The following SLC2A9 variants were observed in gnomAD, a reference collection of about 807,000 sequenced individuals.
SLC2A9 encodes solute carrier family 2, facilitated glucose transporter member 9.
SLC2A9 carries 39 observed loss-of-function variants against 50.6 expected under a neutral mutation model. The ratio of observed to expected loss-of-function variants is 0.77; its 90% confidence interval spans 0.60 to 1.01. SLC2A9 has a LOEUF of 1.01. SLC2A9 is among the 50% of genes least tolerant of loss of function. SLC2A9 has a pLI of 0.00. For synonymous variants in SLC2A9, 324 were observed against 276.9 expected (o/e 1.17, Z -1.69); for missense variants, 686 against 677.6 (o/e 1.01, Z -0.14).
chr4:9,801,854 T>C (rs1193328808), intron 3 of SLC2A9, among the ~76,000 whole-genome samples: 1 of 152,138 alleles, frequency 6.6e-6, no homozygotes, highest in Non-Finnish European at 1.5e-5. Flanking sequence ...GAGAATAGGT[T>C]TGGGAGTGCT....
chr4:9,892,111 C>T (rs983712688), intron 8 of SLC2A9, among the ~76,000 whole-genome samples: 1 of 152,228 alleles, frequency 6.6e-6, no homozygotes, highest in Admixed American at 6.5e-5. Flanking sequence ...AGGCAATGGG[C>T]GTTCTCCCCC....
At chr4:9,884,851 A>G (rs1735892448) in intron 10 of SLC2A9, among the ~76,000 whole-genome samples, 1 of 152,190 alleles carries the variant, frequency 6.6e-6, no homozygotes, top group Admixed American at 6.5e-5. Flanking sequence ...GAGAAGGAAC[A>G]AGATCATGTC....
chr4:9,830,906 G>T (rs1412456221), intron 11 of SLC2A9, among the ~76,000 whole-genome samples: 1 of 152,202 alleles, frequency 6.6e-6, no homozygotes, highest in African/African-American at 2.4e-5. Context: ...TCCCTTCTCT[G>T]TTGGTGATGA....
At chr4:9,827,003 T>C (rs951832204) in intron 11 of SLC2A9, among the ~76,000 whole-genome samples, 12 of 152,206 alleles carry the variant, frequency 7.9e-5, no homozygotes, top group Admixed American at 2.0e-4. Context: ...AGAAATGCCT[T>C]AGTTCATAGG....
intron 10 of SLC2A9, among the ~76,000 whole-genome samples, chr4:9,870,746 G>A (rs537127555): frequency 6.6e-5 from 10 of 152,354 alleles, no homozygotes; most frequent in South Asian, 2.1e-4. Flanking sequence ...GCAGGCATGC[G>A]TTCAAATCCT....
At chr4:9,962,774 G>A (rs1333212542) in intron 5 of SLC2A9, among the ~76,000 whole-genome samples, 1 of 152,226 alleles carries the variant, frequency 6.6e-6, no homozygotes, top group African/African-American at 2.4e-5. Flanking sequence ...CTGCAGATGT[G>A]TGCAGAGGCA....
At chr4:9,949,356 C>T (rs184866818) in intron 5 of SLC2A9, among the ~76,000 whole-genome samples, 5 of 152,290 alleles carry the variant, frequency 3.3e-5, no homozygotes, top group African/African-American at 7.2e-5. Context: ...ATCCCTGAAA[C>T]GACAGACACT....
At chr4:9,774,505 C>T (rs1348003238) in intron 1 of SLC2A9, among the ~76,000 whole-genome samples, 4 of 152,190 alleles carry the variant, frequency 2.6e-5, no homozygotes, top group Non-Finnish European at 5.9e-5. Flanking sequence ...TGCCATGCTG[C>T]CCACCAAACA....
rs756404942 is a variant in SLC2A9 at position 9,901,462 on chromosome 4, G to A, written c.1113+6773C>T. Among the ~76,000 whole-genome samples, 42 of 152,160 alleles carry A rather than the reference G, an allele frequency of 2.8e-4. 1 individual carries two copies. The highest frequency in any genetic ancestry group is 4.6e-4 in the Admixed American group (7 of 15,270). The stretch of plus-strand genomic sequence containing the variant: ...GCCTCTCTCCAAGCCTTGTGACAAC[G>A]CTGTTTCTACCCTTGTCACCCTCTG... On this transcript the variant is annotated intron_variant, in intron 8 of 11. Coordinates refer to ENST00000264784, the MANE Select transcript of SLC2A9 (RefSeq NM_020041.3).
intron 10 of SLC2A9, among the ~76,000 whole-genome samples, chr4:9,866,216 T>C (rs1355054921): frequency 6.6e-6 from 1 of 151,756 alleles, no homozygotes; most frequent in African/African-American, 2.4e-5. Flanking sequence ...ATTGTATTAT[T>C]ATTATACCAT....
intron 3 of SLC2A9, among the ~76,000 whole-genome samples, chr4:9,992,922 A>G (rs1341389311): frequency 6.6e-6 from 1 of 152,148 alleles, no homozygotes; most frequent in Non-Finnish European, 1.5e-5. Flanking sequence ...CACTTTACAG[A>G]TTTAAAAATT....
intron 7 of SLC2A9, among the ~76,000 whole-genome samples, chr4:9,912,132 G>A (rs1200754081): frequency 3.3e-5 from 5 of 152,130 alleles, no homozygotes; most frequent in Admixed American, 2.0e-4. Context: ...ACACACCAGT[G>A]ACTGTTCTGG....
intron 11 of SLC2A9, among the ~76,000 whole-genome samples, chr4:9,833,472 C>T (rs768901064): frequency 1.3e-5 from 2 of 152,152 alleles, no homozygotes; most frequent in Non-Finnish European, 2.9e-5. Context: ...CTTCCTGGAC[C>T]TCCTTGCCTG....
chr4:9,876,592 AAAAC>A (rs138659782), intron 10 of SLC2A9, among the ~76,000 whole-genome samples: 18,351 of 152,034 alleles, frequency 0.12, 1,274 homozygotes, highest in African/African-American at 0.17. Flanking sequence ...CCCTATCTCT[AAAAC>A]AAACAAACAA....
At chr4:9,865,425 C>T (rs1398529079) in intron 10 of SLC2A9, among the ~76,000 whole-genome samples, 1 of 152,160 alleles carries the variant, frequency 6.6e-6, no homozygotes, top group Non-Finnish European at 1.5e-5. Flanking sequence ...GGTTTGTGAA[C>T]AAAACAAATT....
At chr4:10,028,431 C>T (rs1156286176) in intron 1 of SLC2A9, among the ~76,000 whole-genome samples, 3 of 152,246 alleles carry the variant, frequency 2.0e-5, no homozygotes, top group Admixed American at 6.5e-5. Flanking sequence ...GACATCCACA[C>T]TGGCTGAGGT....
downstream of SLC2A9, among the ~76,000 whole-genome samples, chr4:9,778,084 C>CCTTCCTTT (rs1717818239): frequency 6.7e-6 from 1 of 149,958 alleles, no homozygotes. Context: ...TTCCTTCCTT[C>CCTTCCTTT]CTTCCTTCCT....
At chr4:9,804,814 G>C (rs113723750) in intron 3 of SLC2A9, among the ~76,000 whole-genome samples, 44 of 152,254 alleles carry the variant, frequency 2.9e-4, no homozygotes, top group African/African-American at 9.6e-4. Context: ...ACTTTGTTAG[G>C]GTAGAGTCCA....
At chr4:9,803,037 G>A (rs1056109360) in intron 3 of SLC2A9, among the ~76,000 whole-genome samples, 1 of 152,224 alleles carries the variant, frequency 6.6e-6, no homozygotes, top group African/African-American at 2.4e-5. Context: ...CAGAGGAGAT[G>A]AAACTTGCTT....
Sources: allele counts gnomAD v4.1 joint callset (sites outside exome capture counted in the v4.1 genomes callset), GRCh38; gene constraint gnomAD v4.1.1; transcripts MANE v1.5; gene names NCBI Gene and HGNC (gene_info 2026-07-23, HGNC 2026-07-21).